Variants in RDX observed in about 807,000 individuals in gnomAD.
The protein encoded by RDX is radixin, also known as deafness, autosomal recessive 24.
In RDX, 32 loss-of-function variants were observed where a neutral mutation model predicts 83.7. That is an observed-to-expected ratio of 0.38 (90% CI 0.29 to 0.51). The LOEUF is 0.51. RDX is among the 20% of genes least tolerant of loss of function. The pLI is 0.87. For missense variants in RDX, 600 were observed against 689.9 expected, an observed-to-expected ratio of 0.87 and a Z score of 1.46; for synonymous variants, 229 against 222.7, an observed-to-expected ratio of 1.03 and a Z score of -0.25.
intron 14 of RDX, among the ~76,000 whole-genome samples, chr11:110,224,231 A>C (rs1045085375): frequency 4.6e-5 from 7 of 151,868 alleles, no homozygotes; most frequent in Non-Finnish European, 1.0e-4. Flanking sequence ...TAAAAAAAAA[A>C]AACAAAAAAA....
intron 9 of RDX, among the ~76,000 whole-genome samples, chr11:110,250,381 A>G (rs1014497746): frequency 3.9e-5 from 6 of 152,148 alleles, no homozygotes; most frequent in East Asian, 1.9e-4. Flanking sequence ...CCCAGCCTCT[A>G]TGCAATCACA....
rs1465903312 is a variant in RDX at position 110,296,608 on chromosome 11, G to A, written c.-206C>T. ...CGCCGCCGCCACCGCAGACAGCTCC[G>A]CAATATGGCCGCTCGGCGCCTCCGC... On this transcript the variant is annotated 5_prime_UTR_variant, in exon 1 of 14. Coordinates refer to ENST00000645495, the MANE Select transcript of RDX (RefSeq NM_002906.4). The A allele has an allele frequency of 6.6e-6, 1 of 150,850 alleles. No homozygotes were observed. Among genetic ancestry groups the A allele is most frequent in the African/African-American group, 2.4e-5 (1 of 41,308 alleles). 9.3% of individuals were successfully genotyped at this position (150,850 alleles called of 1,614,324 possible).
intron 5 of RDX, 28 bp from the exon 6 acceptor site, chr11:110,258,217 TATA>T (rs746010026): frequency 6.8e-6 from 9 of 1,323,094 alleles, no homozygotes; most frequent in African/African-American, 1.5e-5. Flanking sequence ...AAAAAAAAAT[TATA>T]ATGACTTTAA....
chr11:110,245,088 C>T (rs1050660464), intron 10 of RDX, among the ~76,000 whole-genome samples: 5 of 151,804 alleles, frequency 3.3e-5, no homozygotes, highest in Non-Finnish European at 5.9e-5. Flanking sequence ...CCTCGGCCTC[C>T]CTAGTAGCTG....
At chr11:110,275,511 C>T (rs139244560) in intron 2 of RDX, among the ~76,000 whole-genome samples, 20 of 152,222 alleles carry the variant, frequency 1.3e-4, no homozygotes, top group South Asian at 2.1e-4. Context: ...AAAACTAGTA[C>T]AATACGTTTA....
At position 110,255,526 on chromosome 11, in the gene RDX, A is replaced by ACCT. The variant is rs1177157710; in HGVS notation, c.699-144_699-142dup. 4.8e-6 allele frequency: 3 copies of ACCT among 628,320 alleles called. No homozygotes were observed. The Admixed American group carries it at 8.4e-5, about 18-fold the overall frequency. 38.9% of individuals were successfully genotyped at this position (628,320 alleles called of 1,614,324 possible). On this transcript the variant is annotated intron_variant, in intron 7 of 13. Coordinates refer to ENST00000645495, the MANE Select transcript of RDX (RefSeq NM_002906.4). ...ATTAACTTATTCATAACTACAGTTG[A>ACCT]CCTTATCTTTTAAGGGGAAAACTGA... is the stretch of plus-strand genomic sequence containing the variant.
intron 1 of RDX, among the ~76,000 whole-genome samples, chr11:110,282,521 A>G (rs1860804586): frequency 6.6e-6 from 1 of 152,248 alleles, no homozygotes; most frequent in Non-Finnish European, 1.5e-5. Context: ...TAATTATAGT[A>G]CAATTTATAA....
At position 110,272,564 on chromosome 11, in the gene RDX, T is replaced by C. The variant is rs967856297; in HGVS notation, c.68A>G (p.Asn23Ser). ...GTCAAAAAGTTGTTTGCCAGTTGTA[T>C]TGGGCTGAATGGCAAATTCCAGCTC... ...DAELEFAIQP[N>S]TTGKQLFDQV... Residue 23 changes from asparagine to serine, a missense_variant, in exon 3 of 14, where the codon AAT becomes AGT. Physicochemically the swap from Asn to Ser is conservative, Grantham distance 46 (BLOSUM62 1). Transcript: ENST00000645495. The C allele has an allele frequency of 8.7e-6, 14 of 1,612,452 alleles. No homozygotes were observed. Among genetic ancestry groups the C allele is most frequent in the Admixed American group, 5.0e-5 (3 of 59,978 alleles).
At chr11:110,273,594 AAAT>A (rs766545690) in intron 2 of RDX, among the ~76,000 whole-genome samples, 3 of 152,358 alleles carry the variant, frequency 2.0e-5, no homozygotes, top group Non-Finnish European at 2.9e-5. Flanking sequence ...ACTCTATTTT[AAAT>A]AATAATTTTA....
intron 1 of RDX, among the ~76,000 whole-genome samples, chr11:110,280,035 A>G (rs1270606940): frequency 2.6e-5 from 4 of 152,210 alleles, no homozygotes; most frequent in East Asian, 3.9e-4. Context: ...ACAAGGAAAC[A>G]TCACTGCTTA....
At chr11:110,195,839 T>C (rs1436814222) in intron 15 of RDX, 1 of 152,192 alleles carries the variant, frequency 6.6e-6, no homozygotes, top group Admixed American at 6.5e-5. Context: ...TCCAGCATGT[T>C]TGGGGGATAG....
chr11:110,277,599 C>G (rs577358430), intron 2 of RDX, among the ~76,000 whole-genome samples: 1 of 151,822 alleles, frequency 6.6e-6, no homozygotes, highest in Non-Finnish European at 1.5e-5. Flanking sequence ...GGATTACAGG[C>G]GTGATTTACC....
rs1864599181 is a variant in RDX at position 110,230,674 on chromosome 11, AC to A, written c.*1194del. On this transcript the variant is annotated 3_prime_UTR_variant, in exon 14 of 14. Coordinates refer to ENST00000645495, the MANE Select transcript of RDX (RefSeq NM_002906.4). ...CAACACCCCTCCAGGATGATAGTAT[AC>A]CAGTGAGGAGCTTACAATTTTAATA... The A allele has an allele frequency of 6.6e-6, 1 of 152,440 alleles. No individual in the cohort carries two copies. The highest frequency in any genetic ancestry group is 1.5e-5 in the Non-Finnish European group (1 of 67,980). 9.4% of individuals were successfully genotyped at this position (152,440 alleles called of 1,614,324 possible). A position where few individuals can be genotyped will look rare whatever the true frequency, so the allele number is the denominator to read the frequency against.
intron 2 of RDX, among the ~76,000 whole-genome samples, chr11:110,279,081 G>C (rs1319262346): frequency 3.3e-5 from 5 of 152,104 alleles, no homozygotes; most frequent in Non-Finnish European, 7.4e-5. Flanking sequence ...AGATCTTCCT[G>C]ACCTCTCATT....
At chr11:110,219,904 C>T (rs1032961939) in intron 14 of RDX, among the ~76,000 whole-genome samples, 1 of 152,156 alleles carries the variant, frequency 6.6e-6, no homozygotes, top group African/African-American at 2.4e-5. Flanking sequence ...AGCAATGACA[C>T]TGGATAAGGT....
chr11:110,240,096 G>C (rs1162833275), intron 10 of RDX, among the ~76,000 whole-genome samples: 1 of 152,208 alleles, frequency 6.6e-6, no homozygotes, highest in Non-Finnish European at 1.5e-5. Flanking sequence ...ATTGGAGATA[G>C]TTGTACTCCT....
chr11:110,240,150 A>C (rs554804745), intron 10 of RDX, among the ~76,000 whole-genome samples: 6 of 152,216 alleles, frequency 3.9e-5, no homozygotes, highest in Non-Finnish European at 8.8e-5. Context: ...ACATGAAGTC[A>C]ACCTAAGTGC....
At chr11:110,263,448 G>C (rs570181634) in intron 5 of RDX, 1 of 152,634 alleles carries the variant, frequency 6.6e-6, no homozygotes, top group East Asian at 1.9e-4. Flanking sequence ...ATGGGAATGA[G>C]GAAAGAAGAG....
intron 9 of RDX, among the ~76,000 whole-genome samples, chr11:110,253,113 A>G (rs1267728121): frequency 6.6e-6 from 1 of 152,252 alleles, no homozygotes; most frequent in Non-Finnish European, 1.5e-5. Flanking sequence ...AAAAAAAATC[A>G]TTCAATATAA....
Sources: gnomAD v4.1 joint callset for allele counts (sites outside exome capture counted in the v4.1 genomes callset) on GRCh38, gnomAD v4.1.1 for gene constraint, MANE v1.5 for transcripts, NCBI Gene and HGNC (gene_info 2026-07-23, HGNC 2026-07-21) for gene names.